Variants in SH3BGRL2 observed in about 807,000 individuals in gnomAD.
SH3BGRL2 encodes the protein SH3 domain-binding glutamic acid-rich-like protein 2.
In SH3BGRL2, 21 loss-of-function variants were observed where a neutral mutation model predicts 14.8. The ratio of observed to expected loss-of-function variants is 1.42; its 90% CI spans 1.01 to 2.05. SH3BGRL2 has a LOEUF of 2.05. Among genes scored for constraint, SH3BGRL2 ranks in the 30% most tolerant of loss-of-function variants. The pLI, the probability that SH3BGRL2 is intolerant of heterozygous loss-of-function variation, is 0.00. For synonymous variants in SH3BGRL2, 50 were observed against 47.8 expected, an observed-to-expected ratio of 1.05 and a Z score of -0.19; for missense variants, 147 against 130.8, an observed-to-expected ratio of 1.12 and a Z score of -0.61.
At chr6:79,579,028 G>A in the SH3BGRL2 span, among the ~76,000 whole-genome samples, 4 of 152,216 alleles carry the variant, frequency 2.6e-5, no homozygotes, top group South Asian at 4.1e-4. Flanking sequence ...TAGCTGATTC[G>A]ATCAAGTGGA....
chr6:79,697,647 G>T (rs749993290), intron 3 of SH3BGRL2, among the ~76,000 whole-genome samples: 18 of 152,144 alleles, frequency 1.2e-4, no homozygotes, highest in Non-Finnish European at 2.5e-4. Flanking sequence ...CCATGCACAT[G>T]TTTTAAGCAG....
chr6:79,619,033 T>C, the SH3BGRL2 span, among the ~76,000 whole-genome samples: 1 of 152,110 alleles, frequency 6.6e-6, no homozygotes, highest in African/African-American at 2.4e-5. Flanking sequence ...TTTGCTTTAA[T>C]TTTTCCCTGT....
chr6:79,654,105 A>G (rs1333560150), intron 1 of SH3BGRL2, among the ~76,000 whole-genome samples: 1 of 152,228 alleles, frequency 6.6e-6, no homozygotes, highest in African/African-American at 2.4e-5. Context: ...GTGTATGAAA[A>G]AAGAAATAAT....
At chr6:79,695,925 G>A (rs1385393495) in intron 2 of SH3BGRL2, among the ~76,000 whole-genome samples, 1 of 152,186 alleles carries the variant, frequency 6.6e-6, no homozygotes, top group African/African-American at 2.4e-5. Context: ...TGAGGCAAAG[G>A]TAAATATTAT....
chr6:79,610,747 G>A, the SH3BGRL2 span, among the ~76,000 whole-genome samples: 1 of 152,170 alleles, frequency 6.6e-6, no homozygotes, highest in Non-Finnish European at 1.5e-5. Flanking sequence ...CCTCAGGGCA[G>A]GCTGAACATT....
At chr6:79,655,056 G>GT (rs996107595) in intron 1 of SH3BGRL2, among the ~76,000 whole-genome samples, 14 of 151,920 alleles carry the variant, frequency 9.2e-5, no homozygotes, top group South Asian at 2.1e-4. Context: ...TAACCTGGGT[G>GT]TTTTTTTTGT....
At chr6:79,572,766 A>T in the SH3BGRL2 span, among the ~76,000 whole-genome samples, 6 of 152,076 alleles carry the variant, frequency 3.9e-5, no homozygotes, top group African/African-American at 1.2e-4. Flanking sequence ...CGCCTGGCCT[A>T]TTTTTATTTA....
chr6:79,589,003 A>G, the SH3BGRL2 span, among the ~76,000 whole-genome samples: 7 of 152,288 alleles, frequency 4.6e-5, no homozygotes, highest in South Asian at 1.4e-3. Context: ...CCAAAATCCA[A>G]GGATATTCAA....
chr6:79,569,180 G>T, the SH3BGRL2 span, among the ~76,000 whole-genome samples: 1 of 152,186 alleles, frequency 6.6e-6, no homozygotes, highest in African/African-American at 2.4e-5. Flanking sequence ...GATAGTTCAA[G>T]GTCATAAGTC....
the SH3BGRL2 span, among the ~76,000 whole-genome samples, chr6:79,619,245 G>A: frequency 6.6e-6 from 1 of 152,006 alleles, no homozygotes; most frequent in Admixed American, 6.6e-5. Context: ...TTTGTTTGAT[G>A]TTTTGTTACA....
At chr6:79,694,804 A>G (rs778865883) in intron 2 of SH3BGRL2, among the ~76,000 whole-genome samples, 6 of 152,148 alleles carry the variant, frequency 3.9e-5, no homozygotes, top group Non-Finnish European at 5.9e-5. Flanking sequence ...ATGTATCTGC[A>G]GCCTGTCTGC....
At chr6:79,585,054 T>TTA in the SH3BGRL2 span, among the ~76,000 whole-genome samples, 295 of 148,258 alleles carry the variant, frequency 2.0e-3, 3 homozygotes, top group East Asian at 0.026. Flanking sequence ...CTTTTTTTTT[T>TTA]AAAAAAAAAA....
intron 2 of SH3BGRL2, among the ~76,000 whole-genome samples, chr6:79,689,767 T>G (rs535850777): frequency 2.4e-4 from 37 of 152,294 alleles, no homozygotes; most frequent in Middle Eastern, 3.4e-3. Flanking sequence ...TTTTTAATTA[T>G]AAACACTGAA....
the SH3BGRL2 span, among the ~76,000 whole-genome samples, chr6:79,605,852 A>G: frequency 2.0e-5 from 3 of 152,228 alleles, no homozygotes; most frequent in African/African-American, 7.2e-5. Flanking sequence ...GCATTATGGT[A>G]GAGTTAGTTA....
At chr6:79,663,409 G>A (rs1170564112) in intron 1 of SH3BGRL2, among the ~76,000 whole-genome samples, 3 of 152,294 alleles carry the variant, frequency 2.0e-5, no homozygotes, top group East Asian at 1.9e-4. Flanking sequence ...AGTTTCCTCA[G>A]CTGCAGGTCT....
At chr6:79,557,516 C>T in the SH3BGRL2 span, among the ~76,000 whole-genome samples, 2 of 151,930 alleles carry the variant, frequency 1.3e-5, no homozygotes, top group African/African-American at 4.8e-5. Context: ...TAAAAAACAT[C>T]AGCAATGTGG....
the SH3BGRL2 span, among the ~76,000 whole-genome samples, chr6:79,624,725 C>T: frequency 2.6e-5 from 4 of 152,116 alleles, no homozygotes; most frequent in Admixed American, 2.6e-4. Flanking sequence ...CCAGTCACCT[C>T]TCTTCCATCT....
chr6:79,554,771 G>T, the SH3BGRL2 span, among the ~76,000 whole-genome samples: 6 of 152,064 alleles, frequency 3.9e-5, no homozygotes, highest in African/African-American at 1.4e-4. Context: ...CTAGGTTTTA[G>T]TTCCCCTATT....
At chr6:79,609,270 GA>G in the SH3BGRL2 span, among the ~76,000 whole-genome samples, 1 of 152,152 alleles carries the variant, frequency 6.6e-6, no homozygotes, top group Non-Finnish European at 1.5e-5. Flanking sequence ...TTCTTAAGAG[GA>G]AAATGTATGT....
Sources: allele counts gnomAD v4.1 joint callset (sites outside exome capture counted in the v4.1 genomes callset), GRCh38; gene constraint gnomAD v4.1.1; transcripts MANE v1.5; gene names NCBI Gene and HGNC (gene_info 2026-07-23, HGNC 2026-07-21).